The following DCC variants were observed in gnomAD, a reference collection of about 807,000 sequenced individuals.
DCC encodes the protein netrin receptor DCC.
In DCC, 58 loss-of-function variants were observed where a neutral mutation model predicts 172.5. The observed-to-expected ratio is 0.34, with a 90% CI of 0.27 to 0.42. DCC has a LOEUF of 0.42. Ranked by LOEUF, DCC falls within the 10% of genes least tolerant of loss-of-function variation. The probability of loss-of-function intolerance (pLI) is 1.00; values close to 1 mark genes in which losing one functional copy is unlikely to be tolerated. For missense variants in DCC, 1,740 were observed against 1,791.0 expected, an observed-to-expected ratio of 0.97 and a Z score of 0.51; for synonymous variants, 709 against 644.5, an observed-to-expected ratio of 1.10 and a Z score of -1.52.
At position 53,481,361 on chromosome 18, in the gene DCC, A is replaced by G. The variant is rs2045829779; in HGVS notation, c.3737-5436A>G. On this transcript the variant is annotated intron_variant, in intron 25 of 28. Coordinates refer to ENST00000442544, the MANE Select transcript of DCC (RefSeq NM_005215.4). ...TCAGCACTTAGGACTCTTTACCATT[A>G]TATTAAGAATAACTGCAAAGCACAT... Among the ~76,000 whole-genome samples the G allele has an allele frequency of 2.0e-5, 3 of 152,276 alleles. No individual in the cohort carries two copies. In the South Asian group the frequency reaches 6.2e-4, roughly 32 times the overall value.
intron 7 of DCC, among the ~76,000 whole-genome samples, chr18:53,070,592 C>G (rs1044136924): frequency 1.3e-5 from 2 of 152,110 alleles, no homozygotes; most frequent in Admixed American, 1.3e-4. Flanking sequence ...TGTCAAGGCT[C>G]TCCTGAGCAG....
intron 15 of DCC, among the ~76,000 whole-genome samples, chr18:53,352,942 T>C (rs1432700821): frequency 6.6e-6 from 1 of 152,186 alleles, no homozygotes. Flanking sequence ...AAAATTTATA[T>C]TATATATCTT....
At chr18:53,111,576 G>A (rs1598813077) in intron 7 of DCC, among the ~76,000 whole-genome samples, 2 of 151,262 alleles carry the variant, frequency 1.3e-5, no homozygotes, top group Admixed American at 6.6e-5. Flanking sequence ...TACAATTTTA[G>A]GTTATCAGTC....
At chr18:53,321,216 A>G (rs538579720) in intron 13 of DCC, among the ~76,000 whole-genome samples, 13 of 152,306 alleles carry the variant, frequency 8.5e-5, no homozygotes, top group African/African-American at 2.9e-4. Flanking sequence ...TTACATTTTT[A>G]TCTTTATCAG....
chr18:52,819,360 T>A (rs1185681083), intron 2 of DCC, among the ~76,000 whole-genome samples: 1 of 152,200 alleles, frequency 6.6e-6, no homozygotes. Flanking sequence ...TGCCTAAAAG[T>A]TTTTCTTAAA....
intron 1 of DCC, among the ~76,000 whole-genome samples, chr18:52,621,806 C>T (rs552046828): frequency 1.4e-4 from 22 of 152,088 alleles, no homozygotes; most frequent in Non-Finnish European, 2.9e-4. Context: ...TTATGATACC[C>T]GAGGCTTCCT....
At chr18:52,800,699 A>G (rs1360377891) in intron 2 of DCC, among the ~76,000 whole-genome samples, 1 of 152,224 alleles carries the variant, frequency 6.6e-6, no homozygotes, top group Non-Finnish European at 1.5e-5. Context: ...GTGTTAACGT[A>G]TCACCTTGTT....
intron 1 of DCC, among the ~76,000 whole-genome samples, chr18:52,672,176 C>CA (rs1195022687): frequency 1.3e-5 from 2 of 152,130 alleles, no homozygotes; most frequent in Non-Finnish European, 2.9e-5. Context: ...TGTTAGTATA[C>CA]AACGTGGGTA....
At position 52,980,944 on chromosome 18, in the gene DCC, A is replaced by ATTTT. The variant is rs35143538; in HGVS notation, c.985+55586_985+55589dup. Among the ~76,000 whole-genome samples, 916 of 145,654 alleles carry ATTTT rather than the reference A, an allele frequency of 6.3e-3. 10 individuals carry two copies. Among genetic ancestry groups the ATTTT allele is most frequent in the African/African-American group, 0.015 (579 of 39,856 alleles). On this transcript the variant is annotated intron_variant, in intron 5 of 28. Transcript: ENST00000442544. ...TGTTTCAGAAAACAAACATACTGCTATTTTTTTTTTTTTTTACTAAATACA... is the reference window on the plus strand; with the variant it reads ...TGTTTCAGAAAACAAACATACTGCTATTTTTTTTTTTTTTTTTTTACTAAATACA...
intron 1 of DCC, among the ~76,000 whole-genome samples, chr18:52,389,709 A>G (rs150207962): frequency 3.5e-4 from 53 of 152,258 alleles, no homozygotes; most frequent in Non-Finnish European, 6.5e-4. Context: ...GAAGCTAAAT[A>G]ATAACTTAAA....
chr18:52,971,519 A>G (rs1028388158), intron 5 of DCC, among the ~76,000 whole-genome samples: 18 of 151,848 alleles, frequency 1.2e-4, no homozygotes, highest in African/African-American at 4.3e-4. Flanking sequence ...GCGCACACAC[A>G]CACACACACG....
chr18:53,482,721 A>G (rs967304511), intron 25 of DCC, among the ~76,000 whole-genome samples: 10 of 77,950 alleles, frequency 1.3e-4, no homozygotes, highest in Non-Finnish European at 2.5e-4. Flanking sequence ...TGTCACATTT[A>G]TGAGTAAAAA....
chr18:52,745,297 G>A (rs12968878), intron 1 of DCC, among the ~76,000 whole-genome samples: 145,989 of 152,312 alleles, frequency 0.96, 70,163 homozygotes, highest in Non-Finnish European at 1. Context: ...AAAAGTCATG[G>A]CAAGATAGTA....
At chr18:53,032,889 C>T (rs2042044263) in intron 5 of DCC, among the ~76,000 whole-genome samples, 2 of 152,132 alleles carry the variant, frequency 1.3e-5, no homozygotes, top group Non-Finnish European at 2.9e-5. Context: ...TCCCAGAAAA[C>T]TCCCTTTGGC....
intron 5 of DCC, among the ~76,000 whole-genome samples, chr18:53,006,338 A>C (rs771793886): frequency 6.6e-6 from 1 of 152,198 alleles, no homozygotes; most frequent in African/African-American, 2.4e-5. Flanking sequence ...TAAGCATGGC[A>C]ATGCTCATCT....
At chr18:53,003,371 C>G (rs2041596001) in intron 5 of DCC, among the ~76,000 whole-genome samples, 1 of 152,130 alleles carries the variant, frequency 6.6e-6, no homozygotes, top group South Asian at 2.1e-4. Flanking sequence ...GTAACATGGC[C>G]CTGGGGTCAG....
intron 8 of DCC, among the ~76,000 whole-genome samples, chr18:53,165,161 C>T (rs2054897844): frequency 6.6e-6 from 1 of 152,078 alleles, no homozygotes; most frequent in Admixed American, 6.6e-5. Context: ...CTTCATTTTG[C>T]AAATGAAGCA....
chr18:53,084,691 T>C (rs1381603356), intron 7 of DCC, among the ~76,000 whole-genome samples: 1 of 152,278 alleles, frequency 6.6e-6, no homozygotes, highest in African/African-American at 2.4e-5. Context: ...GAATTCATCT[T>C]TAGAGCCTGC....
intron 1 of DCC, among the ~76,000 whole-genome samples, chr18:52,402,389 C>T (rs1316759330): frequency 3.3e-5 from 5 of 151,902 alleles, no homozygotes; most frequent in Non-Finnish European, 5.9e-5. Context: ...TTTTCAACTC[C>T]CTGAAGTCCA....
Sources: allele counts gnomAD v4.1 joint callset (sites outside exome capture counted in the v4.1 genomes callset), GRCh38; gene constraint gnomAD v4.1.1; transcripts MANE v1.5; gene names NCBI Gene and HGNC (gene_info 2026-07-23, HGNC 2026-07-21).